The following CTNNB1 variants were observed in gnomAD, a reference collection of about 807,000 sequenced individuals.
The protein encoded by CTNNB1 is catenin beta-1.
In CTNNB1, 6 loss-of-function variants were observed where a neutral mutation model predicts 82.5. The ratio of observed to expected loss-of-function variants is 0.07; its 90% CI spans 0.04 to 0.14. The LOEUF (loss-of-function observed/expected upper bound fraction) is 0.14, where lower values mean the gene tolerates loss of function less well. Ranked by LOEUF, CTNNB1 falls within the 10% of genes least tolerant of loss-of-function variation. The pLI is 1.00. For missense variants in CTNNB1, 529 were observed against 980.4 expected (o/e 0.54, Z 6.15); for synonymous variants, 312 against 329.7 (o/e 0.95, Z 0.58).
At chr3:41,224,162 C>T (rs1559467220) in intron 2 of CTNNB1, 81 bp downstream of exon 2, 6 of 1,482,858 alleles carry the variant, frequency 4.0e-6, no homozygotes, top group Non-Finnish European at 5.7e-6. Flanking sequence ...GATCCCCCTG[C>T]TTTCCTCTCT....
chr3:41,237,074 T>A, intron 13 of CTNNB1: 2 of 374,550 alleles, frequency 5.3e-6, no homozygotes, highest in Non-Finnish European at 9.6e-6. Flanking sequence ...ATAAAACTTT[T>A]CTATTTGAAT....
chr3:41,218,430 C>T (rs1161215508), intron 1 of CTNNB1, among the ~76,000 whole-genome samples: 2 of 152,160 alleles, frequency 1.3e-5, no homozygotes, highest in East Asian at 3.8e-4. Context: ...GACATATCTT[C>T]CCATTTACTC....
intron 1 of CTNNB1, among the ~76,000 whole-genome samples, chr3:41,202,842 T>A (rs1201485187): frequency 6.6e-6 from 1 of 152,140 alleles, no homozygotes; most frequent in Non-Finnish European, 1.5e-5. Context: ...ATTTCCTCTG[T>A]TTACTTAAGA....
At chr3:41,207,438 C>T (rs547861034) in intron 1 of CTNNB1, among the ~76,000 whole-genome samples, 1 of 152,116 alleles carries the variant, frequency 6.6e-6, no homozygotes, top group Non-Finnish European at 1.5e-5. Flanking sequence ...CTGTTTAATA[C>T]CTTCCCTTTT....
At chr3:41,229,812 G>T (rs1398914354) in intron 7 of CTNNB1, among the ~76,000 whole-genome samples, 2 of 151,528 alleles carry the variant, frequency 1.3e-5, no homozygotes, top group Non-Finnish European at 2.9e-5. Context: ...GTGGTACTTT[G>T]TATATTGTGT....
In CTNNB1 at chr3:41,239,492, G is replaced by A; in HGVS notation, c.*150G>A. 2 of 692,636 alleles carry A rather than the reference G, an allele frequency of 2.9e-6. No homozygotes were observed. The highest frequency in any genetic ancestry group is 5.1e-6 in the Non-Finnish European group (2 of 391,540). 42.9% of individuals were successfully genotyped at this position (692,636 alleles called of 1,614,324 possible). The stretch of plus-strand genomic sequence containing the variant: ...ACAAAAACAGGTATATACTTTGAAA[G>A]GAGATGTCTTGGAACATTGGAATGT... On this transcript the variant is annotated 3_prime_UTR_variant, in exon 15 of 15. Coordinates refer to ENST00000349496, the MANE Select transcript of CTNNB1 (RefSeq NM_001904.4).
intron 1 of CTNNB1, among the ~76,000 whole-genome samples, chr3:41,204,923 A>G (rs1402215627): frequency 1.3e-5 from 2 of 152,220 alleles, no homozygotes; most frequent in African/African-American, 4.8e-5. Flanking sequence ...CCTTGTGTCA[A>G]TTGATTATAG....
intron 7 of CTNNB1, among the ~76,000 whole-genome samples, chr3:41,232,381 C>A (rs747365665): frequency 5.3e-5 from 8 of 152,140 alleles, no homozygotes; most frequent in Non-Finnish European, 1.0e-4. Flanking sequence ...AGGAACCCAA[C>A]AGAGGTGATC....
intron 1 of CTNNB1, among the ~76,000 whole-genome samples, chr3:41,214,926 A>G (rs1019837504): frequency 3.3e-5 from 5 of 152,218 alleles, no homozygotes; most frequent in African/African-American, 1.2e-4. Context: ...TCACTGCAAT[A>G]GCAGAGTTGA....
At chr3:41,201,536 A>T (rs910563752) in intron 1 of CTNNB1, among the ~76,000 whole-genome samples, 1 of 152,256 alleles carries the variant, frequency 6.6e-6, no homozygotes, top group African/African-American at 2.4e-5. Context: ...CTGTAGGATT[A>T]AAGGAATGCT....
At chr3:41,221,456 C>T (rs1360216954) in intron 1 of CTNNB1, 1 of 151,846 alleles carries the variant, frequency 6.6e-6, no homozygotes, top group East Asian at 1.9e-4. Flanking sequence ...TCCTCTTTGC[C>T]TCAGCCTCCC....
rs767817216 is a variant in CTNNB1 at position 41,239,237 on chromosome 3, C to T, written c.2241C>T (p.Asp747=). The T allele has an allele frequency of 4.3e-6, 7 of 1,614,228 alleles. No homozygotes were observed. Among genetic ancestry groups the T allele is most frequent in the Non-Finnish European group, 5.9e-6 (7 of 1,180,042 alleles). ...HEMGGHHPGA[D]YPVDGLPDLG... is the part of the protein sequence containing the mutation. The stretch of plus-strand genomic sequence containing the variant: ...TGGGTGGCCACCACCCTGGTGCTGA[C>T]TATCCAGTTGATGGGCTGCCAGATC... Residue 747 remains aspartate (D), a synonymous_variant, in exon 15 of 15, where the codon GAC becomes GAT. Coordinates refer to ENST00000349496, the MANE Select transcript of CTNNB1 (RefSeq NM_001904.4).
intron 1 of CTNNB1, among the ~76,000 whole-genome samples, chr3:41,219,132 T>C (rs1191914915): frequency 1.3e-5 from 2 of 152,244 alleles, no homozygotes; most frequent in Non-Finnish European, 2.9e-5. Context: ...GCTTTAACAT[T>C]ATCAGTCTTT....
At chr3:41,200,106 C>G (rs1242482587) in intron 1 of CTNNB1, 2 of 152,196 alleles carry the variant, frequency 1.3e-5, no homozygotes, top group Non-Finnish European at 2.9e-5. Flanking sequence ...TCAGCTCTTG[C>G]GGCGAGTTGG....
chr3:41,234,113 T>C (rs376379208), intron 9 of CTNNB1, 26 bp from the exon 10 acceptor site: 2 of 1,614,058 alleles, frequency 1.2e-6, no homozygotes, highest in Non-Finnish European at 1.7e-6. Flanking sequence ...TTGAGTTGTA[T>C]GCCAGTTCTT....
chr3:41,237,107 G>C (rs2078454382), intron 13 of CTNNB1: 1 of 318,134 alleles, frequency 3.1e-6, no homozygotes, highest in African/African-American at 2.2e-5. Context: ...TTTTTCTTCA[G>C]CATTTGTCCT....
In CTNNB1 at chr3:41,235,512, G is replaced by C. The variant is rs2125644032; in HGVS notation, c.1684-212G>C. The stretch of plus-strand genomic sequence containing the variant: ...CGCTGTATGGAAGCTCTGTTGCACT[G>C]TGTATGGGGGAGGGGTGCTGCTTTG... On this transcript the variant is annotated intron_variant, in intron 10 of 14. Transcript: ENST00000349496. 7.9e-6 allele frequency: 5 copies of C among 630,536 alleles called. No homozygotes were observed. In the South Asian group the frequency reaches 9.0e-5, roughly 11 times the overall value. The allele number at this position is 630,536 out of a possible 1,614,324, so 39.1% of individuals were successfully genotyped here.
rs534929095 is a variant in CTNNB1, at chr3:41,239,344, T to A, written c.*2T>A. ...GCCTGGTTTGATACTGACCTGTAAA[T>A]CATCCTTTAGGTAAGAAGTTTTAAA... On this transcript the variant is annotated 3_prime_UTR_variant, in exon 15 of 15. Coordinates refer to ENST00000349496, the MANE Select transcript of CTNNB1 (RefSeq NM_001904.4). 18 of 1,613,482 alleles carry A rather than the reference T, an allele frequency of 1.1e-5. No individual in the cohort carries two copies. In the South Asian group the frequency reaches 1.2e-4, roughly 11 times the overall value.
rs1575333415 is a variant in CTNNB1 at position 41,235,962 on chromosome 3, A to G, written c.1803+119A>G. On this transcript the variant is annotated intron_variant, in intron 11 of 14. Transcript: ENST00000349496. Reference sequence around the variant, plus strand: ...GGGTTACCAACATTTAATTTTATGAAAATTCCCTACATTTTTTGGTCAGTA... The same window carrying G: ...GGGTTACCAACATTTAATTTTATGAGAATTCCCTACATTTTTTGGTCAGTA... 2.4e-6 allele frequency: 3 copies of G among 1,268,958 alleles called. No individual in the cohort carries two copies. The South Asian group carries it at 3.7e-5, about 16-fold the overall frequency. 78.6% of individuals were successfully genotyped at this position (1,268,958 alleles called of 1,614,324 possible). A position where few individuals can be genotyped will look rare whatever the true frequency, so the allele number is the denominator to read the frequency against.
Sources: allele counts gnomAD v4.1 joint callset (sites outside exome capture counted in the v4.1 genomes callset), GRCh38; gene constraint gnomAD v4.1.1; transcripts MANE v1.5; gene names NCBI Gene and HGNC (gene_info 2026-07-23, HGNC 2026-07-21).